The following SULF2 variants were observed in gnomAD, a reference collection of about 807,000 sequenced individuals.
SULF2 encodes extracellular sulfatase Sulf-2.
A neutral mutation model predicts 107.7 loss-of-function variants in SULF2; 52 were observed. The observed-to-expected ratio is 0.48, with a 90% CI of 0.39 to 0.61. SULF2 has a LOEUF of 0.61. Among genes scored for constraint, SULF2 ranks in the 20% least tolerant of loss-of-function variants. The pLI, the probability that SULF2 is intolerant of heterozygous loss-of-function variation, is 0.00. For synonymous variants in SULF2, 460 were observed against 464.3 expected (o/e 0.99, Z 0.12); for missense variants, 993 against 1,177.3 (o/e 0.84, Z 2.29).
chr20:47,676,631 G>A lies in SULF2; in HGVS notation c.1251-8C>T. ...CTCTTGTGTAGCAGCTTGCTATGGG[G>A]CAGAGAGCAGGAGCCGCGGGGCCGG... On this transcript the variant is annotated splice_polypyrimidine_tract_variant and splice_region_variant and intron_variant, in intron 9 of 20. Transcript: ENST00000688720. The A allele has an allele frequency of 1.3e-6, 2 of 1,549,668 alleles. No individual in the cohort carries two copies. The highest frequency in any genetic ancestry group is 1.7e-6 in the Non-Finnish European group (2 of 1,147,236).
In SULF2 at chr20:47,658,098, T is replaced by G. The variant is rs72646227; in HGVS notation, c.*264A>C. 9.6e-6 allele frequency: 5 copies of G among 523,360 alleles called. No individual in the cohort carries two copies. The Admixed American group carries it at 1.3e-4, about 14-fold the overall frequency. The allele number at this position is 523,360 out of a possible 1,614,324, so 32.4% of individuals were successfully genotyped here. A position where few individuals can be genotyped will look rare whatever the true frequency, so the allele number is the denominator to read the frequency against. On this transcript the variant is annotated 3_prime_UTR_variant, in exon 21 of 21. Transcript: ENST00000688720. ...CTTCTGGGGGAGGGTTAGTGGTGACTTTTTGATACGAAAAAATGCATTTTG... is the reference window on the plus strand; with the variant it reads ...CTTCTGGGGGAGGGTTAGTGGTGACGTTTTGATACGAAAAAATGCATTTTG...
intron 3 of SULF2, among the ~76,000 whole-genome samples, chr20:47,709,161 A>C (rs2088840735): frequency 6.6e-6 from 1 of 152,188 alleles, no homozygotes; most frequent in African/African-American, 2.4e-5. Context: ...TAAAACCAAG[A>C]TTAAAAGCCC....
chr20:47,716,617 G>A (rs2089130510), intron 3 of SULF2, among the ~76,000 whole-genome samples: 1 of 152,154 alleles, frequency 6.6e-6, no homozygotes. Flanking sequence ...TTTACTGGAA[G>A]GCAGCAGGAT....
At chr20:47,705,529 A>C (rs2088704147) in intron 3 of SULF2, among the ~76,000 whole-genome samples, 2 of 152,124 alleles carry the variant, frequency 1.3e-5, no homozygotes, top group African/African-American at 2.4e-5. Context: ...TTTCTCTGGG[A>C]CCTGGAATGT....
intron 7 of SULF2, among the ~76,000 whole-genome samples, chr20:47,682,728 C>T (rs1295006038): frequency 1.3e-5 from 2 of 152,186 alleles, no homozygotes; most frequent in East Asian, 1.9e-4. Context: ...CATGCATGTG[C>T]GCGCACACAC....
At chr20:47,768,664 G>C (rs2090569860) in intron 1 of SULF2, among the ~76,000 whole-genome samples, 1 of 152,226 alleles carries the variant, frequency 6.6e-6, no homozygotes, top group South Asian at 2.1e-4. Flanking sequence ...AGAAGGTAGT[G>C]TGGAAAAGCG....
At chr20:47,660,435 G>A (rs994114700) in intron 18 of SULF2, among the ~76,000 whole-genome samples, 11 of 152,240 alleles carry the variant, frequency 7.2e-5, no homozygotes, top group Non-Finnish European at 1.5e-4. Context: ...CGACGGTAGC[G>A]TCTGAATTCC....
At chr20:47,677,628 G>A (rs2087694161) in intron 8 of SULF2, among the ~76,000 whole-genome samples, 1 of 152,210 alleles carries the variant, frequency 6.6e-6, no homozygotes, top group African/African-American at 2.4e-5. Context: ...GGTTTTGGGA[G>A]TATTTTCTTC....
chr20:47,659,120 T>C (rs2086985695), intron 20 of SULF2, among the ~76,000 whole-genome samples: 2 of 152,180 alleles, frequency 1.3e-5, no homozygotes, highest in South Asian at 4.1e-4. Context: ...TAGCAATTTG[T>C]AATATTTAAA....
At chr20:47,730,096 G>A (rs907410549) in intron 3 of SULF2, among the ~76,000 whole-genome samples, 2 of 152,162 alleles carry the variant, frequency 1.3e-5, no homozygotes, top group Non-Finnish European at 2.9e-5. Flanking sequence ...TGATGGCCAG[G>A]TTCTGGTCCT....
At chr20:47,762,262 T>C (rs1201744932) in intron 1 of SULF2, among the ~76,000 whole-genome samples, 2 of 152,208 alleles carry the variant, frequency 1.3e-5, no homozygotes, top group Non-Finnish European at 2.9e-5. Context: ...TTCACGTTCC[T>C]TCAGAGAGAC....
Position 47,678,765 on chromosome 20 carries a change from G to A in SULF2, c.1104C>T (p.Thr368=). The part of the protein sequence containing the change: ...HIVLNIDLAP[T]ILDIAGLDIP... The stretch of plus-strand genomic sequence containing the variant: ...TGTCCAGGCCTGCAATGTCCAGGAT[G>A]GTGGGGGCCAGGTCAATGTTGAGGA... Residue 368 remains threonine, a synonymous_variant, in exon 8 of 21, where the codon ACC becomes ACT. Coordinates refer to ENST00000688720, the MANE Select transcript of SULF2 (RefSeq NM_001387048.1). This position sits in a 1 kb window ranked among gnomAD's most constrained non-coding sequence, Gnocchi z 4.5. The A allele has an allele frequency of 6.2e-7, 1 of 1,614,030 alleles. No homozygotes were observed. The highest frequency in any genetic ancestry group is 1.1e-5 in the South Asian group (1 of 91,082).
At chr20:47,729,117 G>A (rs1243646569) in intron 3 of SULF2, among the ~76,000 whole-genome samples, 4 of 152,250 alleles carry the variant, frequency 2.6e-5, no homozygotes, top group Admixed American at 6.5e-5. Context: ...ACACAGACAC[G>A]AGGAAAGTGC....
At chr20:47,774,446 G>A (rs1482899429) in intron 1 of SULF2, among the ~76,000 whole-genome samples, 1 of 152,184 alleles carries the variant, frequency 6.6e-6, no homozygotes, top group Non-Finnish European at 1.5e-5. Context: ...TCAGGAGCCA[G>A]AAGCAAACTG....
intron 3 of SULF2, among the ~76,000 whole-genome samples, chr20:47,727,041 C>A (rs36046644): frequency 7.5e-6 from 1 of 133,542 alleles, no homozygotes; most frequent in Non-Finnish European, 1.6e-5. Flanking sequence ...AGTTTGACAT[C>A]GGCTCTGCAG....
At chr20:47,672,797 T>C (rs2087521484) in intron 10 of SULF2, among the ~76,000 whole-genome samples, 1 of 152,178 alleles carries the variant, frequency 6.6e-6, no homozygotes, top group Non-Finnish European at 1.5e-5. Flanking sequence ...TCCTCTGCAA[T>C]CTGGCCCTGG....
At chr20:47,766,830 G>A (rs934798690) in intron 1 of SULF2, among the ~76,000 whole-genome samples, 1 of 152,068 alleles carries the variant, frequency 6.6e-6, no homozygotes, top group Non-Finnish European at 1.5e-5. Context: ...CAAGTCTTAG[G>A]AAGCTGAGCA....
intron 2 of SULF2, among the ~76,000 whole-genome samples, chr20:47,744,724 C>T (rs867074677): frequency 2.0e-5 from 3 of 152,152 alleles, no homozygotes; most frequent in African/African-American, 2.4e-5. Flanking sequence ...TCACCTGCTA[C>T]ACTCTACCTG....
At chr20:47,780,305 C>T (rs1246884472) in intron 1 of SULF2, among the ~76,000 whole-genome samples, 1 of 151,990 alleles carries the variant, frequency 6.6e-6, no homozygotes, top group Admixed American at 6.5e-5. Context: ...GCGTGAGCCA[C>T]CACGCCTGGC....
Sources: gnomAD v4.1 joint callset for allele counts (sites outside exome capture counted in the v4.1 genomes callset) on GRCh38, gnomAD v4.1.1 for gene constraint, Gnocchi (gnomAD v3.1) non-coding constraint, MANE v1.5 for transcripts, NCBI Gene and HGNC (gene_info 2026-07-23, HGNC 2026-07-21) for gene names.